EP400: variants seen among roughly 807,000 people sequenced by gnomAD.
EP400 encodes E1A binding protein p400, also known as E1A-binding protein p400.
EP400 carries 105 observed loss-of-function variants against 354.1 expected under a neutral mutation model. The observed-to-expected ratio is 0.30, with a 90% confidence interval of 0.25 to 0.35. The LOEUF (loss-of-function observed/expected upper bound fraction) is 0.35. Ranked by LOEUF, EP400 falls within the 10% of genes least tolerant of loss-of-function variation. The pLI is 1.00. For missense variants in EP400, 3,280 were observed against 4,121.0 expected (o/e 0.80, Z 5.59); for synonymous variants, 1,646 against 1,716.9 (o/e 0.96, Z 1.02).
Position 131,992,242 on chromosome 12 carries a change from C to A in EP400, c.2737+12C>A. On this transcript the variant is annotated intron_variant, in intron 11 of 52. Coordinates refer to ENST00000389561, the MANE Select transcript of EP400 (RefSeq NM_015409.5). The stretch of plus-strand genomic sequence containing the variant: ...GACTGATGACGAAGGTCTGTTCCCC[C>A]TCAGCACTATCTTTGTCATCTCCAG... The A allele has an allele frequency of 6.2e-7, 1 of 1,607,666 alleles. No individual in the cohort carries two copies. Among genetic ancestry groups the A allele is most frequent in the Non-Finnish European group, 8.5e-7 (1 of 1,178,484 alleles).
intron 2 of EP400, among the ~76,000 whole-genome samples, chr12:131,973,295 C>T (rs997845639): frequency 3.9e-5 from 6 of 152,104 alleles, no homozygotes; most frequent in African/African-American, 1.2e-4. Flanking sequence ...TGGTGCCCAC[C>T]GTATACTCAC....
chr12:131,992,327 G>T, intron 11 of EP400, 97 bp downstream of exon 11: 2 of 1,165,464 alleles, frequency 1.7e-6, no homozygotes, highest in South Asian at 2.9e-5. Flanking sequence ...GTCATCTTCA[G>T]CTGGTTGGAA....
chr12:132,011,379 G>A (rs937749369), intron 15 of EP400, 119 bp from the exon 16 acceptor site: 27 of 1,258,248 alleles, frequency 2.1e-5, no homozygotes, highest in Non-Finnish European at 2.4e-5. Context: ...TGCCTCAGTC[G>A]TGCGATGGCT....
At position 132,077,744 on chromosome 12, in the gene EP400, C is replaced by T; in HGVS notation, c.*71C>T. ...TCACAGAAAACGCTTTATTAGTGAACCTTGGGACCATGTCACGCAAGAGAT... is the reference window on the plus strand; with the variant it reads ...TCACAGAAAACGCTTTATTAGTGAATCTTGGGACCATGTCACGCAAGAGAT... On this transcript the variant is annotated 3_prime_UTR_variant, in exon 53 of 53. Transcript: ENST00000389561. 2 of 1,464,806 alleles carry T rather than the reference C, an allele frequency of 1.4e-6. No homozygotes were observed. The highest frequency in any genetic ancestry group is 1.8e-6 in the Non-Finnish European group (2 of 1,104,554). 90.7% of individuals were successfully genotyped at this position (1,464,806 alleles called of 1,614,324 possible).
At chr12:132,065,249 C>T in intron 48 of EP400, 1 of 291,944 alleles carries the variant, frequency 3.4e-6, no homozygotes, top group Non-Finnish European at 6.5e-6. Context: ...AAGCCGTAGG[C>T]ATGGGCAGGT....
intron 35 of EP400, 105 bp downstream of exon 35, chr12:132,044,416 G>A (rs1190611488): frequency 6.9e-7 from 1 of 1,442,294 alleles, no homozygotes; most frequent in East Asian, 2.4e-5. Context: ...ATGAGAAAAT[G>A]CCTAGGAATT....
rs1894009069 is a variant in EP400, at chr12:132,018,216, G to C, written c.4117G>C (p.Asp1373His). The change falls in exon 21 of 53, where the codon GAT (aspartate) becomes CAT (histidine). Residue 1373 changes from aspartate (D) to histidine (H), a missense_variant. Around this residue, in one of 20 missense-constraint regions of EP400, gnomAD observed 342 missense variants for 342.7 expected, o/e 1.00. Transcript: ENST00000389561. This position sits in a 1 kb window ranked among gnomAD's most constrained non-coding sequence, Gnocchi z 4.0. ...ALERDFWKEA[D>H]LSMFDLIGLE... ...TTTTTCTTTTTCTCTCTAGGAAGCAGATCTTTCTATGTTTGATCTCATCGG... is the reference window on the plus strand; with the variant it reads ...TTTTTCTTTTTCTCTCTAGGAAGCACATCTTTCTATGTTTGATCTCATCGG... 1 of 1,610,128 alleles carries C rather than the reference G, an allele frequency of 6.2e-7. No individual in the cohort carries two copies. Among genetic ancestry groups the C allele is most frequent in the Non-Finnish European group, 8.5e-7 (1 of 1,179,108 alleles).
At chr12:132,006,411 G>T (rs1400681991) in intron 14 of EP400, 109 bp downstream of exon 14, 4 of 1,307,874 alleles carry the variant, frequency 3.1e-6, no homozygotes, top group East Asian at 2.5e-5. Flanking sequence ...TATCCCAACT[G>T]CAGAGTTGTC....
rs1330436020 is a variant in EP400, at chr12:132,067,184, T to G, written c.8750-178T>G. Reference sequence around the variant, plus strand: ...AACATTCTGAAATTTCCGTCTTAATTTAAGTGTAATTTGTGAACCCAGAAA... The same window carrying G: ...AACATTCTGAAATTTCCGTCTTAATGTAAGTGTAATTTGTGAACCCAGAAA... On this transcript the variant is annotated intron_variant, in intron 49 of 52. Coordinates refer to ENST00000389561, the MANE Select transcript of EP400 (RefSeq NM_015409.5). The surrounding 1 kb of genome is among the most constrained non-coding windows in gnomAD (Gnocchi z 5.3). 2.5e-6 allele frequency: 3 copies of G among 1,178,310 alleles called. No homozygotes were observed. Among genetic ancestry groups the G allele is most frequent in the Non-Finnish European group, 3.6e-6 (3 of 844,474 alleles). 73.0% of individuals were successfully genotyped at this position (1,178,310 alleles called of 1,614,324 possible).
At chr12:132,062,422 G>A in intron 46 of EP400, 44 bp from the exon 47 acceptor site, 2 of 1,610,472 alleles carry the variant, frequency 1.2e-6, no homozygotes, top group Non-Finnish European at 1.7e-6. Context: ...TCTGAAGGTG[G>A]GCGAGTATCC....
chr12:131,996,295 C>T (rs866556288), intron 12 of EP400, among the ~76,000 whole-genome samples: 11 of 128,228 alleles, frequency 8.6e-5, no homozygotes, highest in South Asian at 2.6e-4. Context: ...GGAAGGAACT[C>T]TTTTTTTTTT....
At chr12:132,006,440 T>C in intron 14 of EP400, 138 bp downstream of exon 14, 3 of 1,123,192 alleles carry the variant, frequency 2.7e-6, no homozygotes, top group Admixed American at 2.8e-5. Flanking sequence ...CAATTCTTCA[T>C]GTGCCTGTAG....
intron 2 of EP400, among the ~76,000 whole-genome samples, chr12:131,968,520 G>C (rs1423700265): frequency 6.6e-6 from 1 of 152,158 alleles, no homozygotes; most frequent in Admixed American, 6.5e-5. Flanking sequence ...CTCCAAGTTT[G>C]TTCTCCTTTT....
chr12:132,011,428 C>G, intron 15 of EP400, 70 bp from the exon 16 acceptor site: 1 of 1,573,436 alleles, frequency 6.4e-7, no homozygotes. Context: ...CGTCTCTGGT[C>G]AGACACAGTG....
At position 131,981,507 on chromosome 12, in the gene EP400, G is replaced by A. The variant is rs1284097784; in HGVS notation, c.1454G>A (p.Arg485His). 1.3e-6 allele frequency: 2 copies of A among 1,584,010 alleles called. No homozygotes were observed. The highest frequency in any genetic ancestry group is 2.3e-5 in the East Asian group (1 of 43,946). The change falls in exon 4 of 53, where the codon CGC becomes CAC. Residue 485 changes from arginine (R) to histidine (H), a missense_variant. Coordinates refer to ENST00000389561, the MANE Select transcript of EP400 (RefSeq NM_015409.5). ...ATTCTAGAGCAGTCTAAGAGGCCTCGCCTTGAAGTGGGTCACCAAGGGGTA... is the reference window on the plus strand; with the variant it reads ...ATTCTAGAGCAGTCTAAGAGGCCTCACCTTGAAGTGGGTCACCAAGGGGTA... The part of the protein sequence containing the change: ...TGMAEQSKRP[R>H]LEVGHQGVVF...
chr12:131,965,521 G>A (rs1566163497), intron 2 of EP400, among the ~76,000 whole-genome samples: 1 of 152,136 alleles, frequency 6.6e-6, no homozygotes, highest in Non-Finnish European at 1.5e-5. Context: ...TCAGTAAAAT[G>A]CACTGTTTTT....
In EP400 at chr12:132,062,594, C is replaced by G; in HGVS notation, c.8227C>G (p.Gln2743Glu). ...GCAGCAGCAGCAGCAGCAGCAGCAA[C>G]AGCAGCAGCAGCAACAGACGACGAC... ...QQQQQQQQQQ[Q>E]QQQQQTTTTS... The change falls in exon 47 of 53, where the codon CAG (glutamine) becomes GAG (glutamate). Residue 2743 changes from glutamine to glutamate, a missense_variant. By Grantham distance (29) the Gln-to-Glu change is conservative. Around this residue, in one of 20 missense-constraint regions of EP400, gnomAD observed 47 missense variants for 55.6 expected, o/e 0.85. Coordinates refer to ENST00000389561, the MANE Select transcript of EP400 (RefSeq NM_015409.5). 6.2e-7 allele frequency: 1 copy of G among 1,607,308 alleles called. No homozygotes were observed. Among genetic ancestry groups the G allele is most frequent in the South Asian group, 1.1e-5 (1 of 90,506 alleles).
chr12:131,969,418 C>T (rs1892213738), intron 2 of EP400, among the ~76,000 whole-genome samples: 1 of 152,128 alleles, frequency 6.6e-6, no homozygotes, highest in African/African-American at 2.4e-5. Context: ...TCTATCACTC[C>T]ATGAAGTTGC....
rs913243560 is a variant in EP400, at chr12:132,079,313, A to C, written c.*1640A>C. ...ATCTTTTAGTTAGTTGAACATACCA[A>C]AGCAGAGGACTGGAATCTGTTTGTT... is the stretch of plus-strand genomic sequence containing the variant. On this transcript the variant is annotated 3_prime_UTR_variant, in exon 53 of 53. Transcript: ENST00000389561. 1.3e-5 allele frequency: 2 copies of C among 152,266 alleles called. No homozygotes were observed. The highest frequency in any genetic ancestry group is 4.8e-5 in the African/African-American group (2 of 41,476). The allele number at this position is 152,266 out of a possible 1,614,324, so 9.4% of individuals were successfully genotyped here.
Sources: gnomAD v4.1 joint callset for allele counts (sites outside exome capture counted in the v4.1 genomes callset) on GRCh38, gnomAD v4.1.1 for gene constraint, gnomAD v4.1.1 regional missense constraint, Gnocchi (gnomAD v3.1) non-coding constraint, MANE v1.5 for transcripts, NCBI Gene and HGNC (gene_info 2026-07-23, HGNC 2026-07-21) for gene names.